SCN11A: variants seen among roughly 807,000 people sequenced by gnomAD.
SCN11A encodes the protein sodium voltage-gated channel alpha subunit 11, also known as sodium channel protein type 11 subunit alpha.
SCN11A carries 122 observed loss-of-function variants against 162.2 expected under a neutral mutation model. The observed-to-expected ratio is 0.75, with a 90% CI of 0.65 to 0.87. The LOEUF is 0.87. Among genes scored for constraint, SCN11A ranks in the 40% least tolerant of loss-of-function variants. SCN11A has a pLI of 0.00. For synonymous variants in SCN11A, 758 were observed against 751.5 expected (o/e 1.01, Z -0.14); for missense variants, 2,015 against 2,181.6 (o/e 0.92, Z 1.52).
intron 9 of SCN11A, among the ~76,000 whole-genome samples, chr3:38,925,157 C>T (rs772124478): frequency 2.0e-5 from 3 of 151,834 alleles, no homozygotes; most frequent in Non-Finnish European, 4.4e-5. Flanking sequence ...GTTGTTGCTT[C>T]GTGTCTGTCT....
chr3:38,846,804 G>C lies in SCN11A; in HGVS notation c.5266C>G (p.Gln1756Glu), dbSNP rs2064672266. Reference sequence around the variant, plus strand: ...TTTTCCAAGTCATTTTGGTCACCTTGGTCACCCTTGGTCACCTTCATCATG... The same window carrying C: ...TTTTCCAAGTCATTTTGGTCACCTTCGTCACCCTTGGTCACCTTCATCATG... ...KYMMKVTKGD[Q>E]GDQNDLENGP... The change falls in exon 30 of 30, where the codon CAA becomes GAA. Residue 1756 changes from glutamine (Q) to glutamate (E), a missense_variant. Transcript: ENST00000302328. The C allele has an allele frequency of 6.2e-7, 1 of 1,613,924 alleles. No individual in the cohort carries two copies. Among genetic ancestry groups the C allele is most frequent in the Non-Finnish European group, 8.5e-7 (1 of 1,179,968 alleles).
chr3:38,880,272 CT>C, intron 22 of SCN11A, 149 bp from the exon 23 acceptor site: 1 of 587,656 alleles, frequency 1.7e-6, no homozygotes, highest in Non-Finnish European at 2.9e-6. Flanking sequence ...TAAGGCTAAA[CT>C]TTTCCAATGG....
chr3:39,015,062 A>G (rs1334401684), intron 2 of SCN11A, among the ~76,000 whole-genome samples: 18 of 152,066 alleles, frequency 1.2e-4, no homozygotes. Flanking sequence ...ACTCTCCACA[A>G]CTCATGTTAA....
intron 1 of SCN11A, among the ~76,000 whole-genome samples, chr3:39,042,957 C>CAAAAAAAA (rs561204433): frequency 6.1e-5 from 4 of 65,980 alleles, no homozygotes; most frequent in Admixed American, 2.0e-4. Context: ...AACTCCATCT[C>CAAAAAAAA]AAAAAAAAAA....
chr3:38,926,858 A>G lies in SCN11A; in HGVS notation c.562T>C (p.Phe188Leu). Reference sequence around the variant, plus strand: ...TTCCATGGATCTCGAAGGAAAGAAAACTCATCCAGAATGAAACCTCTTGCC... The same window carrying G: ...TTCCATGGATCTCGAAGGAAAGAAAGCTCATCCAGAATGAAACCTCTTGCC... ...ILARGFILDE[F>L]SFLRDPWNWL... Residue 188 changes from phenylalanine to leucine, a missense_variant, in exon 8 of 30, where the codon TTT becomes CTT. Transcript: ENST00000302328. 6.2e-7 allele frequency: 1 copy of G among 1,613,330 alleles called. No individual in the cohort carries two copies.
At chr3:38,938,540 ATATATATATATTTTTTTTTTTTTTTTTT>A (rs1371209145) in intron 7 of SCN11A, among the ~76,000 whole-genome samples, 3 of 24,164 alleles carry the variant, frequency 1.2e-4, no homozygotes, top group African/African-American at 6.1e-4. Context: ...ATATATATAT[ATATATATATATTTTTTTTTTTTTTTTTT>A]TTTTTTTTTT....
chr3:38,882,192 T>G (rs1399984858), intron 22 of SCN11A, among the ~76,000 whole-genome samples: 4 of 152,220 alleles, frequency 2.6e-5, no homozygotes, highest in African/African-American at 7.2e-5. Flanking sequence ...TGGACATGTA[T>G]GTTGATCACA....
intron 19 of SCN11A, among the ~76,000 whole-genome samples, chr3:38,892,612 C>A (rs1453802353): frequency 6.6e-6 from 1 of 151,944 alleles, no homozygotes; most frequent in African/African-American, 2.4e-5. Context: ...CACTTATTTT[C>A]TTTTATTTTC....
chr3:38,959,611 C>G (rs2066720219), intron 3 of SCN11A, among the ~76,000 whole-genome samples: 1 of 152,206 alleles, frequency 6.6e-6, no homozygotes, highest in Admixed American at 6.5e-5. Flanking sequence ...TCATCCACCA[C>G]CCAAGTCAGA....
At chr3:39,001,773 G>A (rs953812896) in intron 2 of SCN11A, among the ~76,000 whole-genome samples, 7 of 152,108 alleles carry the variant, frequency 4.6e-5, no homozygotes, top group Non-Finnish European at 1.5e-5. Context: ...AGTGGCTCAC[G>A]CCTGTAATCC....
intron 2 of SCN11A, among the ~76,000 whole-genome samples, chr3:38,987,724 G>T (rs2030308101): frequency 6.6e-6 from 1 of 152,092 alleles, no homozygotes; most frequent in African/African-American, 2.4e-5. Flanking sequence ...CAAAGAGCAG[G>T]CTCTGTGAAG....
At chr3:38,933,842 G>C (rs1020377012) in intron 7 of SCN11A, among the ~76,000 whole-genome samples, 5 of 152,180 alleles carry the variant, frequency 3.3e-5, no homozygotes, top group Non-Finnish European at 7.3e-5. Flanking sequence ...TAGAAAGGCA[G>C]GCCAACATTC....
intron 1 of SCN11A, among the ~76,000 whole-genome samples, chr3:39,044,267 G>C (rs1173207300): frequency 4.6e-5 from 7 of 152,072 alleles, no homozygotes; most frequent in African/African-American, 1.2e-4. Flanking sequence ...AGATAATGTA[G>C]ACAGAAAATC....
chr3:39,012,485 TC>T (rs1448572580), intron 2 of SCN11A, among the ~76,000 whole-genome samples: 85 of 124,630 alleles, frequency 6.8e-4, no homozygotes, highest in African/African-American at 2.9e-3. Context: ...TTTCTCTCTT[TC>T]TTTTTTTTTT....
At chr3:38,991,928 T>C (rs573082556) in intron 2 of SCN11A, among the ~76,000 whole-genome samples, 23 of 152,212 alleles carry the variant, frequency 1.5e-4, no homozygotes, top group African/African-American at 5.3e-4. Flanking sequence ...CATGCCTCAG[T>C]TGCCTGAGTA....
chr3:39,004,601 A>G (rs2030915920), intron 2 of SCN11A, among the ~76,000 whole-genome samples: 1 of 152,108 alleles, frequency 6.6e-6, no homozygotes, highest in Admixed American at 6.6e-5. Context: ...GAATCTGTAA[A>G]TTGCTTTGGG....
At position 38,955,332 on chromosome 3, in the gene SCN11A, A is replaced by G. The variant is rs1385228986; in HGVS notation, c.-138-1573T>C. Among the ~76,000 whole-genome samples the G allele has an allele frequency of 3.3e-5, 5 of 152,336 alleles. No individual in the cohort carries two copies. In the Middle Eastern group the frequency reaches 0.014, roughly 415 times the overall value. ...TGAAAACTGCAAAAATTGACCCAGGAAAAGGAAAACTGAATAAAAATTATG... is the reference window on the plus strand; with the variant it reads ...TGAAAACTGCAAAAATTGACCCAGGGAAAGGAAAACTGAATAAAAATTATG... On this transcript the variant is annotated intron_variant, in intron 3 of 29. Transcript: ENST00000302328.
intron 26 of SCN11A, 81 bp downstream of exon 26, chr3:38,870,610 G>T: frequency 8.5e-7 from 1 of 1,174,840 alleles, no homozygotes; most frequent in Non-Finnish European, 1.2e-6. Context: ...GAACTATGAC[G>T]CCAGTTCTGG....
chr3:38,994,122 C>T (rs996581544), intron 2 of SCN11A, among the ~76,000 whole-genome samples: 8 of 152,158 alleles, frequency 5.3e-5, no homozygotes, highest in African/African-American at 1.9e-4. Flanking sequence ...CATCCAAGTC[C>T]TTGTTTCAGG....
Sources: gnomAD v4.1 joint callset for allele counts (sites outside exome capture counted in the v4.1 genomes callset) on GRCh38, gnomAD v4.1.1 for gene constraint, MANE v1.5 for transcripts, NCBI Gene and HGNC (gene_info 2026-07-23, HGNC 2026-07-21) for gene names.